The following UBE2H variants were observed in gnomAD, a reference collection of about 807,000 sequenced individuals.
The protein encoded by UBE2H is ubiquitin-conjugating enzyme E2 H.
In UBE2H, 3 loss-of-function variants were observed where a neutral mutation model predicts 29.0. The observed-to-expected ratio is 0.10, with a 90% CI of 0.05 to 0.27. The LOEUF is 0.27. Among genes scored for constraint, UBE2H ranks in the 10% least tolerant of loss-of-function variants. The pLI is 1.00. For synonymous variants in UBE2H, 69 were observed against 82.9 expected (o/e 0.83, Z 0.91); for missense variants, 68 against 228.2 (o/e 0.30, Z 4.52).
intron 5 of UBE2H, among the ~76,000 whole-genome samples, chr7:129,847,368 C>T (rs1422763648): frequency 6.6e-6 from 1 of 152,140 alleles, no homozygotes; most frequent in African/African-American, 2.4e-5. Flanking sequence ...AATAAGTCTA[C>T]TGGGTGTGGT....
chr7:129,861,293 T>C (rs1805796945), intron 3 of UBE2H, among the ~76,000 whole-genome samples: 1 of 152,158 alleles, frequency 6.6e-6, no homozygotes, highest in African/African-American at 2.4e-5. Flanking sequence ...TCTATATTAT[T>C]TGCTCTGTTT....
intron 1 of UBE2H, among the ~76,000 whole-genome samples, chr7:129,935,465 A>G (rs1250892226): frequency 1.3e-5 from 2 of 152,044 alleles, no homozygotes; most frequent in Non-Finnish European, 2.9e-5. Context: ...AATTAAATAC[A>G]TAAAACTTTG....
intron 1 of UBE2H, among the ~76,000 whole-genome samples, chr7:129,927,361 G>C (rs1373413073): frequency 6.6e-6 from 1 of 152,178 alleles, no homozygotes; most frequent in Non-Finnish European, 1.5e-5. Context: ...CCAAGATCGT[G>C]AAACCCCGTC....
chr7:129,947,464 T>C (rs779711677), intron 1 of UBE2H, among the ~76,000 whole-genome samples: 2 of 152,168 alleles, frequency 1.3e-5, no homozygotes, highest in African/African-American at 2.4e-5. Flanking sequence ...CTGTCTACCC[T>C]TTGAACACAA....
chr7:129,893,357 G>C (rs768458121), intron 1 of UBE2H, among the ~76,000 whole-genome samples: 1 of 152,110 alleles, frequency 6.6e-6, no homozygotes, highest in Non-Finnish European at 1.5e-5. Flanking sequence ...CCAAATAATA[G>C]AGTAAAAAAT....
intron 1 of UBE2H, among the ~76,000 whole-genome samples, chr7:129,943,254 T>C (rs1310115688): frequency 1.3e-5 from 2 of 152,146 alleles, no homozygotes; most frequent in African/African-American, 2.4e-5. Context: ...CCACAACCTC[T>C]GCCTCCTGGG....
chr7:129,865,029 C>T (rs558724616), intron 3 of UBE2H: 78 of 437,758 alleles, frequency 1.8e-4, no homozygotes, highest in Middle Eastern at 1.3e-3. Flanking sequence ...CTCTGTCCTG[C>T]GTCTTTTAGC....
At chr7:129,902,421 G>C (rs200097232) in intron 1 of UBE2H, among the ~76,000 whole-genome samples, 1 of 152,104 alleles carries the variant, frequency 6.6e-6, no homozygotes, top group Admixed American at 6.5e-5. Context: ...GAATCGCTTG[G>C]ACCTGGGAGG....
intron 1 of UBE2H, among the ~76,000 whole-genome samples, chr7:129,898,151 A>G (rs1296897787): frequency 6.6e-6 from 1 of 152,216 alleles, no homozygotes; most frequent in Non-Finnish European, 1.5e-5. Flanking sequence ...TGGAAAGTCA[A>G]GGGAGGTGAA....
intron 1 of UBE2H, among the ~76,000 whole-genome samples, chr7:129,891,289 G>A (rs1033740583): frequency 6.6e-6 from 1 of 151,882 alleles, no homozygotes; most frequent in Non-Finnish European, 1.5e-5. Context: ...CAGTTCAAGA[G>A]AGTCTCCTGC....
intron 1 of UBE2H, among the ~76,000 whole-genome samples, chr7:129,901,961 G>C (rs1009525168): frequency 5.9e-5 from 9 of 152,072 alleles, no homozygotes; most frequent in Non-Finnish European, 8.8e-5. Flanking sequence ...GTGGGGGAGC[G>C]GGGGAGAGAG....
In UBE2H at chr7:129,883,386, C is replaced by T. The variant is rs934076764; in HGVS notation, c.54-2415G>A. On this transcript the variant is annotated intron_variant, in intron 1 of 6. Coordinates refer to ENST00000355621, the MANE Select transcript of UBE2H (RefSeq NM_003344.4). ...CCTGTCAGCGCTACTCCCGGAGATA[C>T]GCCCAATACATATGGATAGTTACAT... Among the ~76,000 whole-genome samples, 4 of 152,190 alleles carry T rather than the reference C, an allele frequency of 2.6e-5. No homozygotes were observed. The East Asian group carries it at 5.8e-4, about 22-fold the overall frequency.
intron 1 of UBE2H, among the ~76,000 whole-genome samples, chr7:129,936,744 G>C (rs1490742969): frequency 1.3e-5 from 2 of 150,418 alleles, no homozygotes; most frequent in African/African-American, 4.9e-5. Context: ...ATCACCTGAG[G>C]TCAGGAGTTC....
chr7:129,881,807 C>A (rs535705640), intron 1 of UBE2H, among the ~76,000 whole-genome samples: 46 of 152,214 alleles, frequency 3.0e-4, no homozygotes, highest in African/African-American at 1.1e-3. Flanking sequence ...ACAAATTCCC[C>A]TAAACTGGAA....
chr7:129,868,983 C>T (rs1319440222), intron 3 of UBE2H, among the ~76,000 whole-genome samples: 1 of 147,576 alleles, frequency 6.8e-6, no homozygotes, highest in Non-Finnish European at 1.5e-5. Context: ...GTTGCCCAGG[C>T]TGGAGTGCAA....
chr7:129,841,530 A>G (rs1011211609), intron 5 of UBE2H, among the ~76,000 whole-genome samples: 6 of 152,236 alleles, frequency 3.9e-5, no homozygotes, highest in Non-Finnish European at 8.8e-5. Context: ...ATTAATTTTC[A>G]GTTTATTTAA....
chr7:129,937,962 G>T (rs1160309483), intron 1 of UBE2H, among the ~76,000 whole-genome samples: 1 of 152,104 alleles, frequency 6.6e-6, no homozygotes, highest in Non-Finnish European at 1.5e-5. Flanking sequence ...AACACATATT[G>T]TGTTCAATGT....
At chr7:129,941,187 G>C (rs558935840) in intron 1 of UBE2H, among the ~76,000 whole-genome samples, 1 of 151,800 alleles carries the variant, frequency 6.6e-6, no homozygotes. Context: ...TCGAACTCCT[G>C]AGTTCAAGCA....
At chr7:129,854,631 T>C (rs1413867560) in intron 5 of UBE2H, among the ~76,000 whole-genome samples, 1 of 152,250 alleles carries the variant, frequency 6.6e-6, no homozygotes, top group Non-Finnish European at 1.5e-5. Flanking sequence ...TGATGAAAAC[T>C]TACTCATGTT....
Sources: allele counts gnomAD v4.1 joint callset (sites outside exome capture counted in the v4.1 genomes callset), GRCh38; gene constraint gnomAD v4.1.1; transcripts MANE v1.5; gene names NCBI Gene and HGNC (gene_info 2026-07-23, HGNC 2026-07-21).